FSTL5: variants seen among roughly 807,000 people sequenced by gnomAD.
FSTL5 encodes follistatin-related protein 5.
Under a neutral mutation model 89.1 loss-of-function variants are expected in FSTL5, and 62 were observed. The observed-to-expected ratio is 0.70, with a 90% CI of 0.57 to 0.86. The LOEUF is 0.86. Among genes scored for constraint, FSTL5 ranks in the 40% least tolerant of loss-of-function variants. The pLI, the probability that FSTL5 is intolerant of heterozygous loss-of-function variation, is 0.00. For synonymous variants in FSTL5, 383 were observed against 346.2 expected (o/e 1.11, Z -1.18); for missense variants, 1,057 against 1,001.6 (o/e 1.06, Z -0.75).
chr4:161,399,661 C>T (rs1731119326), intron 15 of FSTL5, among the ~76,000 whole-genome samples: 1 of 152,020 alleles, frequency 6.6e-6, no homozygotes, highest in Non-Finnish European at 1.5e-5. Context: ...AAGTTTATGG[C>T]ATTGCATTGA....
intron 3 of FSTL5, among the ~76,000 whole-genome samples, chr4:161,990,137 T>C (rs1736070983): frequency 6.6e-6 from 1 of 152,182 alleles, no homozygotes; most frequent in Non-Finnish European, 1.5e-5. Flanking sequence ...ACACAGTTAG[T>C]GAATTCTATC....
chr4:161,466,101 A>C (rs1214244044), intron 13 of FSTL5, among the ~76,000 whole-genome samples: 1 of 152,204 alleles, frequency 6.6e-6, no homozygotes, highest in Non-Finnish European at 1.5e-5. Flanking sequence ...TGAAATAATA[A>C]AAAAGTGATT....
chr4:161,568,903 T>C (rs1464660024), intron 8 of FSTL5, among the ~76,000 whole-genome samples: 1 of 152,208 alleles, frequency 6.6e-6, no homozygotes, highest in Non-Finnish European at 1.5e-5. Context: ...CAAAATTACA[T>C]GTACTGTCTT....
At chr4:161,790,293 G>T (rs1729412994) in intron 4 of FSTL5, among the ~76,000 whole-genome samples, 1 of 152,172 alleles carries the variant, frequency 6.6e-6, no homozygotes, top group African/African-American at 2.4e-5. Flanking sequence ...ATTAAGAAAG[G>T]TGTCCACCTG....
At chr4:161,720,745 A>G (rs903698621) in intron 6 of FSTL5, among the ~76,000 whole-genome samples, 2 of 152,196 alleles carry the variant, frequency 1.3e-5, no homozygotes, top group South Asian at 4.1e-4. Flanking sequence ...CCATTATGCT[A>G]CATTAAATAT....
chr4:161,784,892 C>CG (rs1553965828), intron 4 of FSTL5, among the ~76,000 whole-genome samples: 1 of 79,230 alleles, frequency 1.3e-5, no homozygotes, highest in African/African-American at 5.2e-5. Flanking sequence ...GACTCCGTCT[C>CG]AAAAAAAACA....
At chr4:161,454,569 A>C (rs1012177828) in intron 15 of FSTL5, among the ~76,000 whole-genome samples, 12 of 152,192 alleles carry the variant, frequency 7.9e-5, no homozygotes, top group Non-Finnish European at 1.6e-4. Context: ...GAGTGAACAA[A>C]ATATTTACAT....
At chr4:161,470,608 T>G (rs1474322857) in intron 13 of FSTL5, among the ~76,000 whole-genome samples, 1 of 147,512 alleles carries the variant, frequency 6.8e-6, no homozygotes, top group Admixed American at 7.1e-5. Context: ...TAAGATGAGC[T>G]TCTCTATTTC....
At chr4:161,500,965 T>A (rs1034509578) in intron 11 of FSTL5, among the ~76,000 whole-genome samples, 2 of 152,136 alleles carry the variant, frequency 1.3e-5, no homozygotes, top group African/African-American at 2.4e-5. Flanking sequence ...CCTGTTCCAA[T>A]GTGGCCAGCC....
intron 4 of FSTL5, among the ~76,000 whole-genome samples, chr4:161,880,680 C>T (rs903170230): frequency 5.9e-5 from 9 of 152,208 alleles, no homozygotes; most frequent in Admixed American, 5.9e-4. Context: ...ATAAACTGTA[C>T]AACATTCACA....
intron 2 of FSTL5, among the ~76,000 whole-genome samples, chr4:162,095,508 G>C (rs1730716263): frequency 6.6e-6 from 1 of 151,994 alleles, no homozygotes; most frequent in Admixed American, 6.6e-5. Context: ...GTCGAATCCT[G>C]GGAGGTGAAT....
In FSTL5 at chr4:161,773,410, C is replaced by T. The variant is rs532152780; in HGVS notation, c.606+2468G>A. On this transcript the variant is annotated intron_variant, in intron 5 of 15. Coordinates refer to ENST00000306100, the MANE Select transcript of FSTL5 (RefSeq NM_020116.5). Reference sequence around the variant, plus strand: ...ACAATCAACAGAGTAAACAGACAACCCACAGAGTGGGAGAAAATCTTTGCA... The same window carrying T: ...ACAATCAACAGAGTAAACAGACAACTCACAGAGTGGGAGAAAATCTTTGCA... Among the ~76,000 whole-genome samples, 23 of 152,140 alleles carry T rather than the reference C, an allele frequency of 1.5e-4. No homozygotes were observed. In the South Asian group the frequency reaches 4.6e-3, roughly 30 times the overall value.
chr4:161,817,137 G>A (rs1730348465), intron 4 of FSTL5, among the ~76,000 whole-genome samples: 2 of 152,156 alleles, frequency 1.3e-5, no homozygotes, highest in South Asian at 4.1e-4. Context: ...AATATGATTA[G>A]TCATGTAAGA....
chr4:161,444,924 G>A (rs1375765252), intron 15 of FSTL5, among the ~76,000 whole-genome samples: 2 of 151,934 alleles, frequency 1.3e-5, no homozygotes, highest in Non-Finnish European at 1.5e-5. Context: ...AAAAATTTAT[G>A]TTGCTGCTAG....
intron 4 of FSTL5, among the ~76,000 whole-genome samples, chr4:161,839,433 A>T (rs936429136): frequency 6.6e-6 from 1 of 152,182 alleles, no homozygotes; most frequent in Admixed American, 6.5e-5. Context: ...TAAAATGGGA[A>T]ACAACCCAAA....
Position 161,498,164 on chromosome 4 carries a change from G to C in FSTL5, c.1458+1852C>G, listed in dbSNP as rs541733243. On this transcript the variant is annotated intron_variant, in intron 12 of 15. Coordinates refer to ENST00000306100, the MANE Select transcript of FSTL5 (RefSeq NM_020116.5). ...TAGAGAAATAATATGTGTATACATA[G>C]AGAAATAAATATACACAATTCTACA... is the stretch of plus-strand genomic sequence containing the variant. Among the ~76,000 whole-genome samples, 23 of 151,974 alleles carry C rather than the reference G, an allele frequency of 1.5e-4. 1 individual carries two copies. The South Asian group carries it at 2.7e-3, about 18-fold the overall frequency.
intron 1 of FSTL5, among the ~76,000 whole-genome samples, chr4:162,154,478 C>A (rs1733389394): frequency 6.6e-6 from 1 of 152,050 alleles, no homozygotes; most frequent in Non-Finnish European, 1.5e-5. Context: ...TGTTCACTTT[C>A]TACATAATTA....
intron 7 of FSTL5, among the ~76,000 whole-genome samples, chr4:161,622,875 T>C (rs1313656027): frequency 6.6e-6 from 1 of 152,022 alleles, no homozygotes; most frequent in African/African-American, 2.4e-5. Flanking sequence ...ACCCCTCACA[T>C]TGTGATGCTT....
intron 2 of FSTL5, among the ~76,000 whole-genome samples, chr4:162,045,049 G>A (rs1355226862): frequency 1.3e-5 from 2 of 151,972 alleles, no homozygotes; most frequent in East Asian, 1.9e-4. Flanking sequence ...AATTTTCTTC[G>A]AGAACGTTTC....
Sources: allele counts gnomAD v4.1 joint callset (sites outside exome capture counted in the v4.1 genomes callset), GRCh38; gene constraint gnomAD v4.1.1; transcripts MANE v1.5; gene names NCBI Gene and HGNC (gene_info 2026-07-23, HGNC 2026-07-21).